BLOC1S3: variants seen among roughly 807,000 people sequenced by gnomAD.
The protein encoded by BLOC1S3 is biogenesis of lysosome-related organelles complex 1 subunit 3.
In BLOC1S3, 7 loss-of-function variants were observed where a neutral mutation model predicts 9.1. The ratio of observed to expected loss-of-function variants is 0.77; its 90% CI spans 0.44 to 1.45. The LOEUF is 1.45. Ranked by LOEUF, BLOC1S3 falls within the 40% of genes most tolerant of loss-of-function variation. BLOC1S3 has a pLI of 0.01. For missense variants in BLOC1S3, 307 were observed against 315.2 expected, an observed-to-expected ratio of 0.97 and a Z score of 0.20; for synonymous variants, 145 against 158.4, an observed-to-expected ratio of 0.92 and a Z score of 0.64.
At chr19:45,215,963 C>G in intron 3 of BLOC1S3, 2 of 1,476,276 alleles carry the variant, frequency 1.4e-6, no homozygotes, top group Non-Finnish European at 1.8e-6. Flanking sequence ...CCGTCAGACA[C>G]GCTCACCGGC....
At chr19:45,183,568 C>T (rs1450283932), downstream of BLOC1S3, among the ~76,000 whole-genome samples, 5 of 151,024 alleles carry the variant, frequency 3.3e-5, no homozygotes, top group Admixed American at 3.3e-4. Context: ...GCGAGTGGAT[C>T]ACAATTCAAA....
intron 3 of BLOC1S3, chr19:45,215,992 G>A (rs1969829545): frequency 4.5e-6 from 7 of 1,568,364 alleles, no homozygotes; most frequent in Non-Finnish European, 6.1e-6. Flanking sequence ...TCAGGAGGCA[G>A]GAAGCACAGG....
downstream of BLOC1S3, among the ~76,000 whole-genome samples, chr19:45,186,117 TAAAAA>T (rs147357749): frequency 6.7e-6 from 1 of 149,730 alleles, no homozygotes; most frequent in Non-Finnish European, 1.5e-5. Context: ...TGTCTCAAAA[TAAAAA>T]AAAAGAAACC....
chr19:45,184,095 CCTTT>C (rs1161506469), downstream of BLOC1S3, among the ~76,000 whole-genome samples: 2 of 152,120 alleles, frequency 1.3e-5, no homozygotes, highest in Non-Finnish European at 2.9e-5. Flanking sequence ...GCTTTCAGCC[CCTTT>C]CTTTCTTTTT....
chr19:45,213,181 C>T, intron 3 of BLOC1S3: 1 of 1,604,978 alleles, frequency 6.2e-7, no homozygotes, highest in Non-Finnish European at 8.5e-7. Flanking sequence ...GAGAGGGAGG[C>T]TGAGACAGAA....
In BLOC1S3 at chr19:45,179,890, G is replaced by A. The variant is rs1257868670; in HGVS notation, c.594G>A (p.Pro198=). 41 of 1,608,226 alleles carry A rather than the reference G, an allele frequency of 2.5e-5. No individual in the cohort carries two copies. Among genetic ancestry groups the A allele is most frequent in the Non-Finnish European group, 3.4e-5 (40 of 1,177,872 alleles). Residue 198 remains proline, a synonymous_variant, in exon 2 of 2, where the codon CCG becomes CCA. Coordinates refer to ENST00000433642, the MANE Select transcript of BLOC1S3 (RefSeq NM_212550.5). The surrounding 1 kb of genome is among the most constrained non-coding windows in gnomAD (Gnocchi z 4.6). The part of the protein sequence containing the change: ...GVPGTEPEKD[P]GPRA ...CAGGGACCGAGCCTGAGAAAGACCC[G>A]GGGCCGCGGGCCTAGCCATGATTCT... is the stretch of plus-strand genomic sequence containing the variant.
downstream of BLOC1S3, among the ~76,000 whole-genome samples, chr19:45,186,576 G>A (rs563215836): frequency 2.0e-5 from 3 of 152,194 alleles, no homozygotes; most frequent in African/African-American, 2.4e-5. Context: ...GTGGTGGCAC[G>A]CACCTGTAAT....
chr19:45,204,292 C>A (rs550083859), intron 3 of BLOC1S3, among the ~76,000 whole-genome samples: 1 of 151,054 alleles, frequency 6.6e-6, no homozygotes, highest in Non-Finnish European at 1.5e-5. Context: ...TGGGTTCAAG[C>A]GATTCTCCTG....
At chr19:45,195,261 C>T (rs1054254594) in intron 2 of BLOC1S3, among the ~76,000 whole-genome samples, 17 of 152,002 alleles carry the variant, frequency 1.1e-4, no homozygotes, top group African/African-American at 2.4e-4. Flanking sequence ...TCCTAAGGTG[C>T]GGTGGCATGG....
At chr19:45,207,344 G>A (rs900954242) in intron 3 of BLOC1S3, among the ~76,000 whole-genome samples, 1 of 151,018 alleles carries the variant, frequency 6.6e-6, no homozygotes, top group African/African-American at 2.4e-5. Flanking sequence ...TGTTGGCCAG[G>A]CTGGTCTCAA....
chr19:45,191,272 A>G (rs1325502697), intron 2 of BLOC1S3, among the ~76,000 whole-genome samples: 1 of 151,448 alleles, frequency 6.6e-6, no homozygotes, highest in Non-Finnish European at 1.5e-5. Context: ...ACAGGCATGC[A>G]CCACCACGCC....
chr19:45,193,947 C>T (rs1448757857), intron 2 of BLOC1S3, among the ~76,000 whole-genome samples: 3 of 117,096 alleles, frequency 2.6e-5, no homozygotes, highest in Non-Finnish European at 3.4e-5. Context: ...GGACTACAGG[C>T]ACCCACCACC....
chr19:45,182,707 G>A (rs918148896), downstream of BLOC1S3, among the ~76,000 whole-genome samples: 4 of 152,006 alleles, frequency 2.6e-5, no homozygotes, highest in African/African-American at 7.2e-5. Context: ...AAATAGAGAC[G>A]AGCTCTCACA....
intron 3 of BLOC1S3, among the ~76,000 whole-genome samples, chr19:45,206,455 T>TTTTTTTTTTTTTTTTTTTTTTG (rs1568476450): frequency 8.7e-6 from 1 of 115,212 alleles, no homozygotes; most frequent in African/African-American, 4.0e-5. Flanking sequence ...ATCAAGTTTT[T>TTTTTTTTTTTTTTTTTTTTTTG]TTTTTTTTTT....
At chr19:45,191,925 T>A (rs1007668797) in intron 2 of BLOC1S3, among the ~76,000 whole-genome samples, 1 of 152,210 alleles carries the variant, frequency 6.6e-6, no homozygotes, top group African/African-American at 2.4e-5. Flanking sequence ...CAGCACTGCC[T>A]GGGTACCACC....
In BLOC1S3 at chr19:45,179,385, C is replaced by A; in HGVS notation, c.89C>A (p.Ser30Tyr). The A allele has an allele frequency of 1.3e-6, 2 of 1,580,446 alleles. No individual in the cohort carries two copies. The highest frequency in any genetic ancestry group is 8.5e-7 in the Non-Finnish European group (1 of 1,171,418). Residue 30 changes from serine to tyrosine, a missense_variant, in exon 2 of 2, where the codon TCT becomes TAT. By Grantham distance (144) the Ser-to-Tyr change is moderately radical. Transcript: ENST00000433642. The surrounding 1 kb of genome is among the most constrained non-coding windows in gnomAD (Gnocchi z 4.6). ...GCGACCGAGACGGATTCCGAGCGCT[C>A]TGCGTCCTCGTCGGAGGAGGAGGAG... ...GEATETDSER[S>Y]ASSSEEEELY... is the part of the protein sequence containing the mutation.
At chr19:45,203,098 C>T (rs1350717389) in intron 3 of BLOC1S3, among the ~76,000 whole-genome samples, 1 of 151,806 alleles carries the variant, frequency 6.6e-6, no homozygotes, top group Non-Finnish European at 1.5e-5. Flanking sequence ...GAACTGCAAG[C>T]TATACTGCCT....
downstream of BLOC1S3, among the ~76,000 whole-genome samples, chr19:45,183,250 C>T (rs548772626): frequency 2.0e-5 from 3 of 152,112 alleles, no homozygotes; most frequent in African/African-American, 2.4e-5. Context: ...GAGGTCGAGG[C>T]AGGCAGATCA....
At chr19:45,211,278 CT>C (rs1969768262) in intron 3 of BLOC1S3, among the ~76,000 whole-genome samples, 1 of 152,010 alleles carries the variant, frequency 6.6e-6, no homozygotes, top group Non-Finnish European at 1.5e-5. Flanking sequence ...GGGTAGATCA[CT>C]TGAGGTCAGG....
Sources: gnomAD v4.1 joint callset for allele counts (sites outside exome capture counted in the v4.1 genomes callset) on GRCh38, gnomAD v4.1.1 for gene constraint, Gnocchi (gnomAD v3.1) non-coding constraint, MANE v1.5 for transcripts, NCBI Gene and HGNC (gene_info 2026-07-23, HGNC 2026-07-21) for gene names.